KCNMA1: variants seen among roughly 807,000 people sequenced by gnomAD.
KCNMA1 encodes the protein potassium calcium-activated channel subfamily M alpha 1.
Under a neutral mutation model 140.0 loss-of-function variants are expected in KCNMA1, and 29 were observed. The ratio of observed to expected loss-of-function variants is 0.21; its 90% confidence interval spans 0.15 to 0.28. KCNMA1 has a LOEUF of 0.28. Among genes scored for constraint, KCNMA1 ranks in the 10% least tolerant of loss-of-function variants. The pLI is 1.00. For synonymous variants in KCNMA1, 612 were observed against 611.9 expected, an observed-to-expected ratio of 1.00 and a Z score of 0.00; for missense variants, 880 against 1,602.2, an observed-to-expected ratio of 0.55 and a Z score of 7.70.
intron 2 of KCNMA1, among the ~76,000 whole-genome samples, chr10:77,267,646 C>T (rs79810262): frequency 0.087 from 13,304 of 152,196 alleles, 732 homozygotes; most frequent in African/African-American, 0.15. Context: ...AAGCATCGGC[C>T]CCACTCATTT....
chr10:77,182,506 T>C (rs1395532116), intron 5 of KCNMA1, among the ~76,000 whole-genome samples: 1 of 152,216 alleles, frequency 6.6e-6, no homozygotes, highest in Non-Finnish European at 1.5e-5. Flanking sequence ...ACCGTGGGTG[T>C]CTAAAGGAGG....
chr10:77,153,867 C>T (rs1268548475), intron 5 of KCNMA1, among the ~76,000 whole-genome samples: 1 of 152,160 alleles, frequency 6.6e-6, no homozygotes, highest in African/African-American at 2.4e-5. Context: ...GCAGCATTAC[C>T]TAATGGACAG....
At position 77,172,471 on chromosome 10, in the gene KCNMA1, A is replaced by G. The variant is rs1019118123; in HGVS notation, c.808+10950T>C. ...CACAATTGGAAATCTCTTGGAGAGG[A>G]GTAATTTCTCTAGAAGCAGTTTTAG... On this transcript the variant is annotated intron_variant, in intron 5 of 27. Transcript: ENST00000286628. Among the ~76,000 whole-genome samples the G allele has an allele frequency of 2.6e-5, 4 of 152,266 alleles. No individual in the cohort carries two copies. The East Asian group carries it at 7.7e-4, about 29-fold the overall frequency.
intron 2 of KCNMA1, among the ~76,000 whole-genome samples, chr10:77,392,787 T>C (rs2095879234): frequency 6.6e-6 from 1 of 152,178 alleles, no homozygotes; most frequent in Admixed American, 6.5e-5. Flanking sequence ...CCTGTCAAAA[T>C]GTACATCAAA....
intron 1 of KCNMA1, among the ~76,000 whole-genome samples, chr10:77,629,734 T>C (rs1310985617): frequency 1.3e-5 from 2 of 152,140 alleles, no homozygotes; most frequent in Admixed American, 6.5e-5. Flanking sequence ...TAATTATTTT[T>C]CCCCCAGCAC....
chr10:76,902,409 G>A (rs775052474), intron 25 of KCNMA1: 1 of 152,192 alleles, frequency 6.6e-6, no homozygotes, highest in Non-Finnish European at 1.5e-5. Flanking sequence ...GAAGTCTTCT[G>A]GGAAGCTCTT....
At chr10:77,018,908 T>C (rs141264530) in intron 17 of KCNMA1, 105 bp downstream of exon 17, 11 of 730,130 alleles carry the variant, frequency 1.5e-5, no homozygotes, top group Non-Finnish European at 2.5e-5. Flanking sequence ...TTGATGGCCA[T>C]AGACATGTTA....
chr10:77,204,250 C>T (rs2043359139), intron 3 of KCNMA1, among the ~76,000 whole-genome samples: 1 of 152,084 alleles, frequency 6.6e-6, no homozygotes, highest in Non-Finnish European at 1.5e-5. Flanking sequence ...CAGGTTATCT[C>T]ACCTCATGTG....
At chr10:77,224,296 TTC>T (rs1264799837) in intron 3 of KCNMA1, among the ~76,000 whole-genome samples, 1 of 152,192 alleles carries the variant, frequency 6.6e-6, no homozygotes, top group African/African-American at 2.4e-5. Context: ...TCTGAACAGT[TTC>T]TAAAAAACTT....
At chr10:77,093,603 G>C (rs2153804997) in intron 9 of KCNMA1, among the ~76,000 whole-genome samples, 1 of 152,324 alleles carries the variant, frequency 6.6e-6, no homozygotes, top group Non-Finnish European at 1.5e-5. Flanking sequence ...ATGAGGGATG[G>C]ATGGTGAATG....
At position 76,877,954 on chromosome 10, in the gene KCNMA1, G is replaced by A. The variant is rs942069291; in HGVS notation, c.3428-64C>T. 1.6e-5 allele frequency: 24 copies of A among 1,517,276 alleles called. No individual in the cohort carries two copies. In the African/African-American group the frequency reaches 2.1e-4, roughly 13 times the overall value. 94.0% of individuals were successfully genotyped at this position (1,517,276 alleles called of 1,614,324 possible). The stretch of plus-strand genomic sequence containing the variant: ...AATGAGAAGTTTAATTAGTCCTAGG[G>A]TAAAGCCTTTGGAAAGTTCATTGAA... On this transcript the variant is annotated intron_variant, in intron 29 of 29. Coordinates refer to the KCNMA1 transcript ENST00000372403.
chr10:77,345,664 T>C (rs1289112638), intron 2 of KCNMA1, among the ~76,000 whole-genome samples: 1 of 152,216 alleles, frequency 6.6e-6, no homozygotes, highest in Non-Finnish European at 1.5e-5. Flanking sequence ...TGGGTTATTA[T>C]AGAAGCATCA....
Position 76,990,049 on chromosome 10 carries a change from G to A in KCNMA1, c.2266+11358C>T, listed in dbSNP as rs775479230. Among the ~76,000 whole-genome samples the A allele has an allele frequency of 3.3e-5, 5 of 152,136 alleles. No individual in the cohort carries two copies. The South Asian group carries it at 1.0e-3, about 31-fold the overall frequency. Reference sequence around the variant, plus strand: ...CTCACTGAATTCGTGCAACCACTCTGTGAGATAGGTCCTTATTATCTCCAG... The same window carrying A: ...CTCACTGAATTCGTGCAACCACTCTATGAGATAGGTCCTTATTATCTCCAG... On this transcript the variant is annotated intron_variant, in intron 19 of 27. Coordinates refer to ENST00000286628, the MANE Select transcript of KCNMA1 (RefSeq NM_001161352.2).
At chr10:76,934,698 T>C (rs1042970658) in intron 23 of KCNMA1, among the ~76,000 whole-genome samples, 2 of 152,192 alleles carry the variant, frequency 1.3e-5, no homozygotes, top group Non-Finnish European at 2.9e-5. Context: ...GTAGTTGACC[T>C]ATCCTTATCC....
At chr10:77,406,473 G>A (rs974018094) in intron 1 of KCNMA1, among the ~76,000 whole-genome samples, 8 of 152,144 alleles carry the variant, frequency 5.3e-5, no homozygotes, top group African/African-American at 1.9e-4. Flanking sequence ...CACAATGAGC[G>A]GGCATCATAA....
At chr10:76,939,107 CTTCTTTTTTTTTTTTTT>C (rs1257352165) in intron 23 of KCNMA1, 1 of 131,280 alleles carries the variant, frequency 7.6e-6, no homozygotes, top group Non-Finnish European at 1.6e-5. Flanking sequence ...GATGCCACCT[CTTCTTTTTTTTTTTTTT>C]TTTTTTTTTT....
chr10:77,431,255 A>G (rs901618437), intron 1 of KCNMA1, among the ~76,000 whole-genome samples: 5 of 152,170 alleles, frequency 3.3e-5, no homozygotes, highest in African/African-American at 1.2e-4. Flanking sequence ...CAGGCACTGG[A>G]GAGGCCATAG....
At chr10:77,526,508 T>C (rs1371981365) in intron 1 of KCNMA1, among the ~76,000 whole-genome samples, 1 of 152,214 alleles carries the variant, frequency 6.6e-6, no homozygotes, top group African/African-American at 2.4e-5. Flanking sequence ...CAAAAGCCAA[T>C]AGCATCCAGA....
chr10:76,890,824 G>A (rs566715605), intron 26 of KCNMA1, among the ~76,000 whole-genome samples: 19 of 152,292 alleles, frequency 1.2e-4, no homozygotes, highest in Non-Finnish European at 2.4e-4. Context: ...GGCCACTTCC[G>A]TCACAGGGAG....
Sources: gnomAD v4.1 joint callset for allele counts (sites outside exome capture counted in the v4.1 genomes callset) on GRCh38, gnomAD v4.1.1 for gene constraint, MANE v1.5 for transcripts, NCBI Gene and HGNC (gene_info 2026-07-23, HGNC 2026-07-21) for gene names.